RBFOX1: variants seen among roughly 807,000 people sequenced by gnomAD.
RBFOX1 encodes RNA binding fox-1 homolog 1.
A neutral mutation model predicts 57.7 loss-of-function variants in RBFOX1; 8 were observed. The ratio of observed to expected loss-of-function variants is 0.14; its 90% CI spans 0.08 to 0.25. The LOEUF is 0.25. RBFOX1 is among the 10% of genes least tolerant of loss of function. RBFOX1 has a pLI of 1.00. For synonymous variants in RBFOX1, 326 were observed against 222.4 expected (o/e 1.47, Z -4.15); for missense variants, 611 against 548.5 (o/e 1.11, Z -1.14).
intron 3 of RBFOX1, among the ~76,000 whole-genome samples, chr16:6,804,124 C>T (rs1567318110): frequency 6.6e-6 from 1 of 151,974 alleles, no homozygotes; most frequent in Non-Finnish European, 1.5e-5. Context: ...CTCCTTGCCT[C>T]AGGCATCCAA....
At chr16:6,951,037 G>A (rs1363316041) in intron 3 of RBFOX1, among the ~76,000 whole-genome samples, 3 of 151,844 alleles carry the variant, frequency 2.0e-5, no homozygotes, top group Admixed American at 6.6e-5. Context: ...TCTCGAGTAG[G>A]TGGGACTACA....
intron 3 of RBFOX1, chr16:6,874,142 C>G (rs575361806): frequency 6.6e-6 from 1 of 151,318 alleles, no homozygotes; most frequent in Non-Finnish European, 1.5e-5. Flanking sequence ...CCGAAATGCC[C>G]ATCAGTGAAT....
At chr16:6,117,705 C>T (rs545693254) in intron 1 of RBFOX1, among the ~76,000 whole-genome samples, 17 of 152,098 alleles carry the variant, frequency 1.1e-4, no homozygotes, top group African/African-American at 3.8e-4. Context: ...GTGAGAAATA[C>T]GTTTCTGTTC....
intron 4 of RBFOX1, among the ~76,000 whole-genome samples, chr16:7,138,448 T>C (rs1292837586): frequency 6.6e-6 from 1 of 152,104 alleles, no homozygotes; most frequent in African/African-American, 2.4e-5. Flanking sequence ...GCAAGGATGC[T>C]CAAAGCACCA....
intron 3 of RBFOX1, among the ~76,000 whole-genome samples, chr16:6,838,243 T>C (rs1036211940): frequency 2.6e-5 from 4 of 152,132 alleles, no homozygotes; most frequent in African/African-American, 9.7e-5. Context: ...GTGTTATCAT[T>C]GTTCATCTGC....
chr16:6,034,190 C>T (rs1268909306), intron 1 of RBFOX1, among the ~76,000 whole-genome samples: 1 of 151,402 alleles, frequency 6.6e-6, no homozygotes, highest in Non-Finnish European at 1.5e-5. Flanking sequence ...CAAAAATTAG[C>T]TGGGGGTGGT....
At chr16:6,507,028 C>G (rs2096117886) in intron 2 of RBFOX1, among the ~76,000 whole-genome samples, 1 of 152,070 alleles carries the variant, frequency 6.6e-6, no homozygotes, top group African/African-American at 2.4e-5. Flanking sequence ...ATGACTGCTT[C>G]CTTTTCAACC....
At chr16:6,658,532 A>C (rs957147453) in intron 3 of RBFOX1, among the ~76,000 whole-genome samples, 2 of 152,150 alleles carry the variant, frequency 1.3e-5, no homozygotes, top group Non-Finnish European at 2.9e-5. Context: ...GTTGTAGAGC[A>C]ATAAAATCAT....
At chr16:6,778,739 G>T (rs140072067) in intron 3 of RBFOX1, among the ~76,000 whole-genome samples, 1,775 of 152,010 alleles carry the variant, frequency 0.012, 42 homozygotes, top group African/African-American at 0.041. Context: ...TGAGTCTTTT[G>T]TGAAAAATAT....
chr16:6,825,083 G>T (rs1358743711), intron 3 of RBFOX1, among the ~76,000 whole-genome samples: 1 of 132,574 alleles, frequency 7.5e-6, no homozygotes, highest in East Asian at 2.6e-4. Context: ...TGCAACCCCT[G>T]TCACCCTGGT....
At chr16:6,431,909 C>G (rs973495908) in intron 2 of RBFOX1, among the ~76,000 whole-genome samples, 12 of 115,144 alleles carry the variant, frequency 1.0e-4, no homozygotes, top group South Asian at 2.8e-4. Context: ...TTCTTTCTTT[C>G]TTTCTTTCTT....
intron 3 of RBFOX1, among the ~76,000 whole-genome samples, chr16:7,008,138 A>G (rs1162062639): frequency 6.6e-6 from 1 of 152,212 alleles, no homozygotes; most frequent in Non-Finnish European, 1.5e-5. Context: ...TGAAAAAAAT[A>G]TATATCCACA....
At chr16:5,647,381 T>C (rs1468089442) in intron 3 of RBFOX1, among the ~76,000 whole-genome samples, 2 of 152,226 alleles carry the variant, frequency 1.3e-5, no homozygotes, top group Non-Finnish European at 2.9e-5. Flanking sequence ...TCTTCTTAAA[T>C]GTGCCTGCAA....
At chr16:7,202,175 A>G (rs1455879214) in intron 4 of RBFOX1, among the ~76,000 whole-genome samples, 1 of 152,176 alleles carries the variant, frequency 6.6e-6, no homozygotes. Flanking sequence ...ATTTCTTCAA[A>G]GAACATAAAC....
intron 2 of RBFOX1, among the ~76,000 whole-genome samples, chr16:5,467,532 T>C (rs550416095): frequency 6.6e-6 from 1 of 152,170 alleles, no homozygotes; most frequent in Non-Finnish European, 1.5e-5. Flanking sequence ...AACAGCTTCT[T>C]ATTGGGAACA....
chr16:6,768,740 CT>C (rs536608931), intron 3 of RBFOX1, among the ~76,000 whole-genome samples: 2,874 of 139,424 alleles, frequency 0.021, 30 homozygotes, highest in African/African-American at 0.026. Flanking sequence ...TATTATTTTT[CT>C]TTTTTTTTTT....
At chr16:7,225,652 C>G (rs558412503) in intron 4 of RBFOX1, among the ~76,000 whole-genome samples, 1 of 149,808 alleles carries the variant, frequency 6.7e-6, no homozygotes, top group South Asian at 2.1e-4. Context: ...ATGATTTGTT[C>G]TCCTGAAATC....
intron 4 of RBFOX1, among the ~76,000 whole-genome samples, chr16:7,285,269 C>T (rs978477258): frequency 1.3e-5 from 2 of 151,780 alleles, no homozygotes; most frequent in South Asian, 2.1e-4. Flanking sequence ...CACAGTTTTC[C>T]CCAATGGTAA....
intron 4 of RBFOX1, among the ~76,000 whole-genome samples, chr16:7,457,314 C>A (rs1385259228): frequency 6.6e-6 from 1 of 152,152 alleles, no homozygotes; most frequent in Non-Finnish European, 1.5e-5. Context: ...GATCTGTGTC[C>A]TGGGTGCTGG....
Sources: gnomAD v4.1 joint callset for allele counts (sites outside exome capture counted in the v4.1 genomes callset) on GRCh38, gnomAD v4.1.1 for gene constraint, MANE v1.5 for transcripts, NCBI Gene and HGNC (gene_info 2026-07-23, HGNC 2026-07-21) for gene names.